GLIS3: variants seen among roughly 807,000 people sequenced by gnomAD.
The protein encoded by GLIS3 is GLIS family zinc finger 3.
Under a neutral mutation model 78.6 loss-of-function variants are expected in GLIS3, and 53 were observed. That is an observed-to-expected ratio of 0.67 (90% confidence interval 0.54 to 0.85). GLIS3 has a LOEUF of 0.85. Among genes scored for constraint, GLIS3 ranks in the 40% least tolerant of loss-of-function variants. The pLI is 0.00. For synonymous variants in GLIS3, 684 were observed against 509.9 expected, an observed-to-expected ratio of 1.34 and a Z score of -4.60; for missense variants, 1,703 against 1,231.1, an observed-to-expected ratio of 1.38 and a Z score of -5.74.
chr9:4,305,542 C>G (rs1383167496), intron 4 of GLIS3: 1 of 152,238 alleles, frequency 6.6e-6, no homozygotes, highest in Admixed American at 6.5e-5. Context: ...GAATCTCACT[C>G]CCTTGGTCAA....
At chr9:4,185,204 A>T in intron 2 of GLIS3, among the ~76,000 whole-genome samples, 1 of 152,198 alleles carries the variant, frequency 6.6e-6, no homozygotes, top group East Asian at 1.9e-4. Context: ...TGCAAATCAC[A>T]GTCTGTGGTC....
At chr9:4,002,780 G>A (rs918463809) in intron 4 of GLIS3, among the ~76,000 whole-genome samples, 2 of 152,176 alleles carry the variant, frequency 1.3e-5, no homozygotes, top group African/African-American at 4.8e-5. Context: ...GAAAATGTCT[G>A]AGGAAAACTT....
chr9:4,399,261 T>G, the GLIS3 span, among the ~76,000 whole-genome samples: 4 of 152,360 alleles, frequency 2.6e-5, no homozygotes, highest in Non-Finnish European at 4.4e-5. Context: ...AATGTGACTA[T>G]GTACCCCATG....
At chr9:4,068,087 G>C (rs1344861908) in intron 4 of GLIS3, among the ~76,000 whole-genome samples, 1 of 152,076 alleles carries the variant, frequency 6.6e-6, no homozygotes, top group Non-Finnish European at 1.5e-5. Context: ...AAGGAGCTTA[G>C]AAAATGGAGA....
intron 2 of GLIS3, among the ~76,000 whole-genome samples, chr9:4,319,142 CT>C (rs1294160393): frequency 3.3e-5 from 5 of 152,094 alleles, no homozygotes; most frequent in African/African-American, 1.2e-4. Context: ...AATGAGTGAT[CT>C]CAGCTGGATT....
intron 7 of GLIS3, among the ~76,000 whole-genome samples, chr9:3,889,462 T>C (rs532123348): frequency 5.3e-5 from 8 of 152,332 alleles, no homozygotes; most frequent in Admixed American, 2.6e-4. Context: ...CAAAAACCCA[T>C]GGACTAGAAG....
intron 2 of GLIS3, among the ~76,000 whole-genome samples, chr9:4,186,495 A>C (rs1226226358): frequency 2.6e-5 from 4 of 151,844 alleles, no homozygotes; most frequent in Admixed American, 2.6e-4. Context: ...ATGATTTATA[A>C]TCCTTTGGGT....
the GLIS3 span, among the ~76,000 whole-genome samples, chr9:4,386,865 A>T: frequency 6.6e-6 from 1 of 152,128 alleles, no homozygotes; most frequent in Admixed American, 6.5e-5. Flanking sequence ...TGTGATCCCC[A>T]TACATTTTAT....
chr9:4,008,674 G>A (rs1404467881), intron 4 of GLIS3, among the ~76,000 whole-genome samples: 4 of 152,192 alleles, frequency 2.6e-5, no homozygotes, highest in African/African-American at 4.8e-5. Context: ...CATGCCCCAT[G>A]TGCTTGCTTA....
At chr9:4,138,240 G>C (rs79209113) in intron 2 of GLIS3, among the ~76,000 whole-genome samples, 1 of 152,202 alleles carries the variant, frequency 6.6e-6, no homozygotes, top group East Asian at 1.9e-4. Context: ...ATGGAAGGGA[G>C]GGAGAACGCA....
intron 2 of GLIS3, among the ~76,000 whole-genome samples, chr9:4,282,176 C>G (rs1022469897): frequency 1.3e-5 from 2 of 152,304 alleles, no homozygotes; most frequent in South Asian, 4.1e-4. Flanking sequence ...GCTATAATCA[C>G]TTTCAAAGCT....
At chr9:4,379,733 C>T in the GLIS3 span, among the ~76,000 whole-genome samples, 3 of 152,212 alleles carry the variant, frequency 2.0e-5, no homozygotes, top group African/African-American at 2.4e-5. Context: ...CATATTCATT[C>T]GCAGTGTCCC....
the GLIS3 span, among the ~76,000 whole-genome samples, chr9:4,431,054 G>C: frequency 6.6e-6 from 1 of 152,170 alleles, no homozygotes; most frequent in African/African-American, 2.4e-5. Context: ...TCCCAACCAA[G>C]TATATGGATC....
intron 4 of GLIS3, among the ~76,000 whole-genome samples, chr9:4,080,067 A>AT (rs1366607961): frequency 2.6e-5 from 4 of 152,272 alleles, no homozygotes; most frequent in African/African-American, 4.8e-5. Context: ...GTGTTTGTGC[A>AT]GGAATCTGCC....
chr9:4,356,616 AC>A, the GLIS3 span, among the ~76,000 whole-genome samples: 1 of 152,230 alleles, frequency 6.6e-6, no homozygotes, highest in Non-Finnish European at 1.5e-5. Context: ...CTTTTAAAAT[AC>A]AAAGGGAACA....
At chr9:4,294,843 T>C (rs1816341329) in intron 1 of GLIS3, among the ~76,000 whole-genome samples, 1 of 152,252 alleles carries the variant, frequency 6.6e-6, no homozygotes, top group Non-Finnish European at 1.5e-5. Flanking sequence ...ACATTTATTC[T>C]ATTTATATTG....
chr9:4,274,351 G>C (rs1053133661), intron 2 of GLIS3, among the ~76,000 whole-genome samples: 7 of 152,080 alleles, frequency 4.6e-5, no homozygotes, highest in Admixed American at 6.5e-5. Context: ...GACTTGTTGG[G>C]GTGTTTTTTC....
chr9:3,937,323 TA>T, intron 4 of GLIS3, 134 bp from the exon 5 acceptor site: 1 of 846,524 alleles, frequency 1.2e-6, no homozygotes, highest in Admixed American at 2.2e-5. Context: ...CAAACAGTAA[TA>T]AATATTGCTC....
Position 4,278,382 on chromosome 9 carries a change from C to T in GLIS3, c.388+7656G>A, listed in dbSNP as rs1827219046. Among the ~76,000 whole-genome samples the T allele has an allele frequency of 2.6e-5, 4 of 152,142 alleles. No homozygotes were observed. In the South Asian group the frequency reaches 8.3e-4, roughly 32 times the overall value. ...ATGGGGCACGCAAATAAAAGTGAGC[C>T]TAGAACATCTTGTTATGCCTGTAAG... is the stretch of plus-strand genomic sequence containing the variant. On this transcript the variant is annotated intron_variant, in intron 2 of 10. Transcript: ENST00000381971.
Sources: gnomAD v4.1 joint callset for allele counts (sites outside exome capture counted in the v4.1 genomes callset) on GRCh38, gnomAD v4.1.1 for gene constraint, MANE v1.5 for transcripts, NCBI Gene and HGNC (gene_info 2026-07-23, HGNC 2026-07-21) for gene names.